Variants in NFIA observed in about 807,000 individuals in gnomAD.
The protein encoded by NFIA is nuclear factor 1 A-type.
In NFIA, 8 loss-of-function variants were observed where a neutral mutation model predicts 62.8. The ratio of observed to expected loss-of-function variants is 0.13; its 90% CI spans 0.07 to 0.23. The LOEUF is 0.23. NFIA is among the 10% of genes least tolerant of loss of function. The pLI is 1.00. For synonymous variants in NFIA, 235 were observed against 238.1 expected (o/e 0.99, Z 0.12); for missense variants, 410 against 642.1 (o/e 0.64, Z 3.91).
chr1:61,206,541 A>G (rs959915431), intron 2 of NFIA, among the ~76,000 whole-genome samples: 1 of 152,234 alleles, frequency 6.6e-6, no homozygotes, highest in Non-Finnish European at 1.5e-5. Flanking sequence ...GAGCATGATT[A>G]GAAGTCAGTC....
At chr1:61,109,961 A>G (rs965883825) in intron 2 of NFIA, among the ~76,000 whole-genome samples, 4 of 152,020 alleles carry the variant, frequency 2.6e-5, no homozygotes, top group Admixed American at 1.3e-4. Flanking sequence ...GGATGACTGT[A>G]TTGTATCTTT....
chr1:61,280,791 G>A (rs573796449), intron 3 of NFIA, among the ~76,000 whole-genome samples: 5 of 152,180 alleles, frequency 3.3e-5, no homozygotes, highest in African/African-American at 4.8e-5. Flanking sequence ...CTGAAGCCCA[G>A]CGATAAAATA....
chr1:61,439,212 T>A (rs1395637079), intron 10 of NFIA, among the ~76,000 whole-genome samples: 3 of 151,688 alleles, frequency 2.0e-5, no homozygotes, highest in Non-Finnish European at 4.4e-5. Flanking sequence ...TTAGTCTGCC[T>A]TGCTGCTGCA....
rs879559783 is a variant in NFIA, at chr1:61,140,002, T to C, written c.559+51322T>C. ...GCATGACCTGGTAGAAATCCAGACA[T>C]TGGGCTCCACCAAACTCGAATGATA... On this transcript the variant is annotated intron_variant, in intron 2 of 10. Transcript: ENST00000403491. Among the ~76,000 whole-genome samples the C allele has an allele frequency of 4.6e-5, 7 of 151,778 alleles. No individual in the cohort carries two copies. The East Asian group carries it at 9.7e-4, about 21-fold the overall frequency.
chr1:61,109,880 C>G (rs1646666272), intron 2 of NFIA, among the ~76,000 whole-genome samples: 2 of 151,972 alleles, frequency 1.3e-5, no homozygotes, highest in Non-Finnish European at 2.9e-5. Context: ...GTAATTGAAT[C>G]TATACTGTGT....
At chr1:61,407,887 G>A (rs1665925172) in intron 9 of NFIA, among the ~76,000 whole-genome samples, 1 of 152,142 alleles carries the variant, frequency 6.6e-6, no homozygotes, top group South Asian at 2.1e-4. Flanking sequence ...TGAATGCGGT[G>A]AATGAAGATT....
At chr1:61,169,592 G>A (rs1570306305) in intron 2 of NFIA, among the ~76,000 whole-genome samples, 1 of 152,304 alleles carries the variant, frequency 6.6e-6, no homozygotes, top group Middle Eastern at 3.4e-3. Context: ...TTGTGTGTTA[G>A]GTGTTCGTGT....
chr1:61,391,276 T>A (rs1664963390), intron 7 of NFIA, among the ~76,000 whole-genome samples: 1 of 152,086 alleles, frequency 6.6e-6, no homozygotes, highest in Non-Finnish European at 1.5e-5. Flanking sequence ...TTACCTAGGC[T>A]GGTCTCGAAC....
chr1:61,290,327 A>T (rs1356280927), intron 3 of NFIA, among the ~76,000 whole-genome samples: 1 of 152,198 alleles, frequency 6.6e-6, no homozygotes, highest in Non-Finnish European at 1.5e-5. Context: ...GTTTTACTGA[A>T]AACATAAAAT....
intron 3 of NFIA, among the ~76,000 whole-genome samples, chr1:61,306,241 C>T (rs1659779856): frequency 1.4e-5 from 2 of 146,950 alleles, no homozygotes; most frequent in African/African-American, 5.0e-5. Context: ...GCCATTTCAC[C>T]TATCATCCTG....
chr1:61,256,166 G>A (rs185245030), intron 2 of NFIA, among the ~76,000 whole-genome samples: 8 of 152,108 alleles, frequency 5.3e-5, no homozygotes, highest in African/African-American at 1.7e-4. Context: ...GGTGGCTCAC[G>A]CCTGTAATCC....
intron 2 of NFIA, among the ~76,000 whole-genome samples, chr1:61,276,061 G>A (rs1420266058): frequency 6.6e-6 from 1 of 151,982 alleles, no homozygotes; most frequent in African/African-American, 2.4e-5. Context: ...GTTACAGAAC[G>A]ATAAAAGCTG....
intron 2 of NFIA, among the ~76,000 whole-genome samples, chr1:61,238,090 A>G (rs1435230561): frequency 6.6e-6 from 1 of 152,216 alleles, no homozygotes; most frequent in African/African-American, 2.4e-5. Context: ...AATGATCCTC[A>G]ACCAATTCAA....
At chr1:61,312,103 G>A (rs1328519240) in intron 3 of NFIA, among the ~76,000 whole-genome samples, 2 of 152,206 alleles carry the variant, frequency 1.3e-5, no homozygotes, top group African/African-American at 2.4e-5. Flanking sequence ...TAGCTATTCT[G>A]TGCAGTAACA....
intron 9 of NFIA, among the ~76,000 whole-genome samples, chr1:61,412,474 T>G (rs565575354): frequency 2.3e-4 from 35 of 152,134 alleles, no homozygotes; most frequent in Non-Finnish European, 2.4e-4. Flanking sequence ...CAAGATTTGC[T>G]GACACATTAG....
At chr1:61,392,384 A>C (rs773073346) in intron 7 of NFIA, among the ~76,000 whole-genome samples, 3 of 152,134 alleles carry the variant, frequency 2.0e-5, no homozygotes, top group Non-Finnish European at 4.4e-5. Flanking sequence ...TGTAATTAAA[A>C]CTGTACCTTT....
At chr1:61,130,539 T>G (rs1192614230) in intron 2 of NFIA, among the ~76,000 whole-genome samples, 3 of 152,204 alleles carry the variant, frequency 2.0e-5, no homozygotes, top group African/African-American at 7.2e-5. Context: ...ATGCATAACA[T>G]TTTTGTTAAT....
intron 6 of NFIA, among the ~76,000 whole-genome samples, chr1:61,366,567 A>G (rs1165598264): frequency 6.6e-6 from 1 of 152,240 alleles, no homozygotes; most frequent in Non-Finnish European, 1.5e-5. Flanking sequence ...ATTTTTATAA[A>G]TAACTTTTGG....
intron 2 of NFIA, among the ~76,000 whole-genome samples, chr1:61,180,022 C>A (rs1167441845): frequency 6.6e-6 from 1 of 152,178 alleles, no homozygotes; most frequent in Non-Finnish European, 1.5e-5. Context: ...ATTTGGCCCT[C>A]ACACAGCTGA....
Sources: gnomAD v4.1 joint callset for allele counts (sites outside exome capture counted in the v4.1 genomes callset) on GRCh38, gnomAD v4.1.1 for gene constraint, MANE v1.5 for transcripts, NCBI Gene and HGNC (gene_info 2026-07-23, HGNC 2026-07-21) for gene names.